DENND1B: variants seen among roughly 807,000 people sequenced by gnomAD.
DENND1B encodes DENN domain-containing protein 1B.
A neutral mutation model predicts 90.1 loss-of-function variants in DENND1B; 59 were observed. The ratio of observed to expected loss-of-function variants is 0.65; its 90% CI spans 0.53 to 0.81. The LOEUF is 0.81. Among genes scored for constraint, DENND1B ranks in the 40% least tolerant of loss-of-function variants. The pLI is 0.00. For missense variants in DENND1B, 862 were observed against 912.6 expected (o/e 0.94, Z 0.71); for synonymous variants, 337 against 324.6 (o/e 1.04, Z -0.41).
intron 3 of DENND1B, chr1:197,688,967 G>T: frequency 4.6e-6 from 1 of 215,322 alleles, no homozygotes; most frequent in South Asian, 8.1e-5. Context: ...GTTTGAGCAT[G>T]GTATCACCAC....
chr1:197,754,452 C>T (rs1318003601), intron 2 of DENND1B, among the ~76,000 whole-genome samples: 2 of 151,814 alleles, frequency 1.3e-5, no homozygotes, highest in Non-Finnish European at 2.9e-5. Context: ...TTTGTCAGGC[C>T]GAGGCAGGCA....
chr1:197,588,092 T>C (rs1674867035), intron 14 of DENND1B, among the ~76,000 whole-genome samples: 1 of 152,192 alleles, frequency 6.6e-6, no homozygotes, highest in African/African-American at 2.4e-5. Flanking sequence ...CCATCTGGCC[T>C]GGTTCCTAAC....
At chr1:197,604,593 A>G (rs1175958056) in intron 13 of DENND1B, among the ~76,000 whole-genome samples, 1 of 151,266 alleles carries the variant, frequency 6.6e-6, no homozygotes, top group Non-Finnish European at 1.5e-5. Flanking sequence ...AAAGTCAACC[A>G]GCCTGTAAGT....
intron 12 of DENND1B, 29 bp downstream of exon 12, chr1:197,611,902 T>A (rs1414288737): frequency 1.3e-6 from 2 of 1,591,074 alleles, no homozygotes; most frequent in African/African-American, 1.4e-5. Flanking sequence ...GTTAATTTTA[T>A]CACTGTCTCA....
chr1:197,600,778 C>A (rs1342471640), intron 13 of DENND1B, among the ~76,000 whole-genome samples: 1 of 151,768 alleles, frequency 6.6e-6, no homozygotes, highest in Non-Finnish European at 1.5e-5. Context: ...AAGCTCCTAA[C>A]TGCTTCCATA....
intron 9 of DENND1B, among the ~76,000 whole-genome samples, chr1:197,644,255 C>T (rs574407801): frequency 6.6e-6 from 1 of 152,266 alleles, no homozygotes; most frequent in Non-Finnish European, 1.5e-5. Context: ...CTGCCTTATG[C>T]TTATTCTCTT....
chr1:197,662,541 G>A (rs1447909536), intron 5 of DENND1B, among the ~76,000 whole-genome samples: 3 of 151,838 alleles, frequency 2.0e-5, no homozygotes, highest in Non-Finnish European at 4.4e-5. Context: ...CCCTATCTTG[G>A]CGTGTATTTC....
chr1:197,760,112 T>G (rs954210496), intron 2 of DENND1B, among the ~76,000 whole-genome samples: 57 of 152,318 alleles, frequency 3.7e-4, no homozygotes, highest in African/African-American at 1.3e-3. Flanking sequence ...TTAAAATGTA[T>G]AAGATGACTA....
At chr1:197,737,473 T>A (rs577980070) in intron 2 of DENND1B, among the ~76,000 whole-genome samples, 7 of 152,320 alleles carry the variant, frequency 4.6e-5, no homozygotes, top group African/African-American at 1.4e-4. Flanking sequence ...CTTGTGGACA[T>A]CTGTCTAGCA....
chr1:197,542,225 G>T (rs891832647), intron 18 of DENND1B, among the ~76,000 whole-genome samples: 1 of 152,102 alleles, frequency 6.6e-6, no homozygotes, highest in Non-Finnish European at 1.5e-5. Context: ...CCACTTTGCT[G>T]TTATTCTTAA....
At chr1:197,668,261 C>A (rs1038669518) in intron 5 of DENND1B, among the ~76,000 whole-genome samples, 2 of 151,652 alleles carry the variant, frequency 1.3e-5, no homozygotes, top group African/African-American at 4.8e-5. Flanking sequence ...TTTATTTATT[C>A]AATAATTATC....
chr1:197,663,072 CA>C (rs1374111425), intron 5 of DENND1B, among the ~76,000 whole-genome samples: 1 of 151,984 alleles, frequency 6.6e-6, no homozygotes, highest in East Asian at 1.9e-4. Context: ...AGATGCCTCC[CA>C]AAATAACACC....
rs900561148 is a variant in DENND1B, at chr1:197,775,361, T to C, written c.-206A>G. 4 of 348,686 alleles carry C rather than the reference T, an allele frequency of 1.1e-5. No homozygotes were observed. Among genetic ancestry groups the C allele is most frequent in the Admixed American group, 9.7e-5 (2 of 20,670 alleles). The allele number at this position is 348,686 out of a possible 1,614,324, so 21.6% of individuals were successfully genotyped here. The stretch of plus-strand genomic sequence containing the variant: ...CTCCCACCCCACCCACCAGAGCCTT[T>C]CTGTGACAGCAGCGGTGGCGTGGCC... On this transcript the variant is annotated 5_prime_UTR_variant, in exon 1 of 23. Coordinates refer to ENST00000620048, the MANE Select transcript of DENND1B (RefSeq NM_001195215.2).
chr1:197,720,493 C>A (rs1398464611), intron 2 of DENND1B, among the ~76,000 whole-genome samples: 1 of 151,806 alleles, frequency 6.6e-6, no homozygotes, highest in African/African-American at 2.4e-5. Context: ...GTACTGCCTC[C>A]GCCTCCCAAA....
intron 2 of DENND1B, among the ~76,000 whole-genome samples, chr1:197,743,000 C>T (rs1663358507): frequency 6.6e-6 from 1 of 152,174 alleles, no homozygotes; most frequent in Non-Finnish European, 1.5e-5. Context: ...TGTTAGGAGA[C>T]AATTCCAGGG....
chr1:197,765,200 C>T (rs1230835065), intron 2 of DENND1B, among the ~76,000 whole-genome samples: 2 of 152,162 alleles, frequency 1.3e-5, no homozygotes, highest in Non-Finnish European at 2.9e-5. Context: ...ATCACAGAAA[C>T]GTGAACCAAG....
chr1:197,538,651 A>G (rs1188950779), intron 20 of DENND1B, among the ~76,000 whole-genome samples: 1 of 147,046 alleles, frequency 6.8e-6, no homozygotes, highest in Non-Finnish European at 1.5e-5. Context: ...GACTGAATTA[A>G]TGGGATTTTT....
At position 197,553,162 on chromosome 1, in the gene DENND1B, A is replaced by G. The variant is rs745688019; in HGVS notation, c.1150-50T>C. ...AATGTATCAAATAAAATGTTATCCA[A>G]TAAAATGTTAATTTTTCATTTTATA... On this transcript the variant is annotated intron_variant, in intron 15 of 22. Transcript: ENST00000620048. 7.2e-6 allele frequency: 10 copies of G among 1,396,950 alleles called. No homozygotes were observed. The East Asian group carries it at 2.0e-4, about 28-fold the overall frequency. The allele number at this position is 1,396,950 out of a possible 1,614,324, so 86.5% of individuals were successfully genotyped here. A position where few individuals can be genotyped will look rare whatever the true frequency, so the allele number is the denominator to read the frequency against.
intron 2 of DENND1B, among the ~76,000 whole-genome samples, chr1:197,719,863 T>C (rs910300595): frequency 1.3e-5 from 2 of 152,216 alleles, no homozygotes; most frequent in Non-Finnish European, 2.9e-5. Flanking sequence ...TAAAACAGCA[T>C]AGTTTCAGTT....
Sources: allele counts gnomAD v4.1 joint callset (sites outside exome capture counted in the v4.1 genomes callset), GRCh38; gene constraint gnomAD v4.1.1; transcripts MANE v1.5; gene names NCBI Gene and HGNC (gene_info 2026-07-23, HGNC 2026-07-21).